ERF: variants seen among roughly 807,000 people sequenced by gnomAD.
ERF encodes ETS2 repressor factor, also known as ETS domain-containing transcription factor ERF.
ERF carries 10 observed loss-of-function variants against 41.6 expected under a neutral mutation model. The observed-to-expected ratio is 0.24, with a 90% CI of 0.15 to 0.41. The LOEUF (loss-of-function observed/expected upper bound fraction) is 0.41, where lower values mean the gene tolerates loss of function less well. Among genes scored for constraint, ERF ranks in the 10% least tolerant of loss-of-function variants. The pLI is 1.00. For missense variants in ERF, 621 were observed against 763.2 expected, an observed-to-expected ratio of 0.81 and a Z score of 2.19; for synonymous variants, 395 against 342.4, an observed-to-expected ratio of 1.15 and a Z score of -1.70.
intron 1 of ERF, among the ~76,000 whole-genome samples, chr19:42,251,724 C>A (rs953213370): frequency 1.2e-4 from 18 of 152,102 alleles, no homozygotes; most frequent in Non-Finnish European, 2.2e-4. Context: ...GGCCTCCAGG[C>A]AACACATCCA....
chr19:42,253,795 ATGGGGTGGGGATGGGG>A (rs1182805479), intron 1 of ERF: 15 of 761,332 alleles, frequency 2.0e-5, no homozygotes, highest in East Asian at 1.5e-4. Context: ...TGGGGTGGGA[ATGGGGTGGGGATGGGG>A]TGGGGTGGGT....
Position 42,249,509 on chromosome 19 carries a change from T to C in ERF, c.603A>G (p.Gly201=). The part of the protein sequence containing the change: ...DGTSELEEPL[G]EDPRARPPGP... ...CGGGTGGTCGGGCGCGGGGATCCTC[T>C]CCCAGCGGTTCCTCCAGCTCTGACG... Residue 201 remains glycine (G), a synonymous_variant, in exon 4 of 4, where the codon GGA becomes GGG. Transcript: ENST00000222329. This position sits in a 1 kb window ranked among gnomAD's most constrained non-coding sequence, Gnocchi z 8.6. 1.2e-6 allele frequency: 2 copies of C among 1,612,660 alleles called. No individual in the cohort carries two copies. Among genetic ancestry groups the C allele is most frequent in the Non-Finnish European group, 1.7e-6 (2 of 1,179,818 alleles).
rs545963787 is a variant in ERF at position 42,254,954 on chromosome 19, C to G, written c.22+24G>C. On this transcript the variant is annotated intron_variant, in intron 1 of 3. Transcript: ENST00000222329. ...GTTTCCCGGGGCAACAAGTCTCCCC[C>G]ACACGTGCTGCCCCCGCCCCCACCT... 2.6e-6 allele frequency: 4 copies of G among 1,511,288 alleles called. No homozygotes were observed. The Admixed American group carries it at 8.0e-5, about 30-fold the overall frequency. 93.6% of individuals were successfully genotyped at this position (1,511,288 alleles called of 1,614,324 possible). A position where few individuals can be genotyped will look rare whatever the true frequency, so the allele number is the denominator to read the frequency against.
chr19:42,248,455 C>T lies in ERF; in HGVS notation c.*10G>A. 6.7e-7 allele frequency: 1 copy of T among 1,483,712 alleles called. No individual in the cohort carries two copies. 91.9% of individuals were successfully genotyped at this position (1,483,712 alleles called of 1,614,324 possible). A position where few individuals can be genotyped will look rare whatever the true frequency, so the allele number is the denominator to read the frequency against. ...GGGTGCGGGGCACACAGGTCCCCTGCCCACAGCCCTCAGGAGTCTCGGTGC... is the reference window on the plus strand; with the variant it reads ...GGGTGCGGGGCACACAGGTCCCCTGTCCACAGCCCTCAGGAGTCTCGGTGC... On this transcript the variant is annotated 3_prime_UTR_variant, in exon 4 of 4. Transcript: ENST00000222329. The surrounding 1 kb of genome is among the most constrained non-coding windows in gnomAD (Gnocchi z 4.2).
rs779276597 is a variant in ERF, at chr19:42,249,839, C to T, written c.361G>A (p.Val121Met). Reference protein sequence around the residue: ...LVLVNYPFIDVGLAGGAVPQS... With the variant: ...LVLVNYPFIDMGLAGGAVPQS... ...CCCTGGTACTCACCAGCCAACCCCA[C>T]ATCAATGAATGGGTAATTGACCAGC... Residue 121 changes from valine (V) to methionine (M), a missense_variant, in exon 3 of 4, where the codon GTG (valine) becomes ATG (methionine). Physicochemically the swap from Val to Met is conservative, Grantham distance 21. Transcript: ENST00000222329. The surrounding 1 kb of genome is among the most constrained non-coding windows in gnomAD (Gnocchi z 8.6). 3 of 1,614,172 alleles carry T rather than the reference C, an allele frequency of 1.9e-6. No individual in the cohort carries two copies. Among genetic ancestry groups the T allele is most frequent in the Non-Finnish European group, 2.5e-6 (3 of 1,180,014 alleles).
intron 1 of ERF, chr19:42,251,269 G>A (rs755032535): frequency 3.5e-4 from 345 of 985,970 alleles, no homozygotes; most frequent in Non-Finnish European, 4.0e-4. Context: ...CCTGGCTGGA[G>A]GGCCCAGCCC....
Position 42,249,844 on chromosome 19 carries a change from A to G in ERF, c.356T>C (p.Ile119Thr). The change falls in exon 3 of 4, where the codon ATT becomes ACT. Residue 119 changes from isoleucine (I) to threonine (T), a missense_variant. By Grantham distance (89) the Ile-to-Thr change is moderately conservative. Around this residue, in one of 3 missense-constraint regions of ERF, gnomAD observed 569 missense variants for 625.5 expected, o/e 0.91. Transcript: ENST00000222329. The surrounding 1 kb of genome is among the most constrained non-coding windows in gnomAD (Gnocchi z 8.6). ...NKLVLVNYPF[I>T]DVGLAGGAVP... ...GTACTCACCAGCCAACCCCACATCA[A>G]TGAATGGGTAATTGACCAGCACCAG... 1 of 1,614,154 alleles carries G rather than the reference A, an allele frequency of 6.2e-7. No individual in the cohort carries two copies. The highest frequency in any genetic ancestry group is 1.3e-5 in the African/African-American group (1 of 75,040).
At position 42,250,707 on chromosome 19, in the gene ERF, G is replaced by A; in HGVS notation, c.23-142C>T. On this transcript the variant is annotated intron_variant, in intron 1 of 3. Coordinates refer to ENST00000222329, the MANE Select transcript of ERF (RefSeq NM_006494.4). The surrounding 1 kb of genome is among the most constrained non-coding windows in gnomAD (Gnocchi z 5.1). Reference sequence around the variant, plus strand: ...AGCCAAGTCAAGATCTGATTTAAGAGAAGACAGTGCGTGTCTGTCTGTCTG... The same window carrying A: ...AGCCAAGTCAAGATCTGATTTAAGAAAAGACAGTGCGTGTCTGTCTGTCTG... The A allele has an allele frequency of 4.9e-6, 4 of 816,820 alleles. No individual in the cohort carries two copies. The highest frequency in any genetic ancestry group is 7.7e-6 in the Non-Finnish European group (4 of 520,534). 50.6% of individuals were successfully genotyped at this position (816,820 alleles called of 1,614,324 possible). A position where few individuals can be genotyped will look rare whatever the true frequency, so the allele number is the denominator to read the frequency against.
chr19:42,253,731 G>A (rs1054929885), intron 1 of ERF: 2 of 394,844 alleles, frequency 5.1e-6, no homozygotes, highest in Non-Finnish European at 6.8e-6. Flanking sequence ...CCAGCTCGGA[G>A]CCCTTTAAGA....
chr19:42,253,147 A>C (rs955889403), intron 1 of ERF, among the ~76,000 whole-genome samples: 10 of 152,148 alleles, frequency 6.6e-5, no homozygotes, highest in Non-Finnish European at 1.0e-4. Flanking sequence ...GTGACGGCCC[A>C]AACTTTTTTT....
At chr19:42,251,285 T>C in intron 1 of ERF, 1 of 986,018 alleles carries the variant, frequency 1.0e-6, no homozygotes, top group South Asian at 4.7e-5. Context: ...AGCCCAGGCC[T>C]GGAGCTTGAG....
intron 1 of ERF, among the ~76,000 whole-genome samples, chr19:42,252,488 G>A (rs1422604425): frequency 6.6e-6 from 1 of 152,172 alleles, no homozygotes; most frequent in African/African-American, 2.4e-5. Flanking sequence ...GAGTGAGAGA[G>A]ACTACATGCA....
chr19:42,252,721 C>T (rs563362118), intron 1 of ERF, among the ~76,000 whole-genome samples: 7 of 151,908 alleles, frequency 4.6e-5, no homozygotes, highest in African/African-American at 1.7e-4. Flanking sequence ...GGCCTGTTCC[C>T]GGCTTTGGGG....
In ERF at chr19:42,249,042, G is replaced by A. The variant is rs2036389802; in HGVS notation, c.1070C>T (p.Thr357Ile). The A allele has an allele frequency of 6.2e-7, 1 of 1,612,378 alleles. No individual in the cohort carries two copies. The highest frequency in any genetic ancestry group is 8.5e-7 in the Non-Finnish European group (1 of 1,179,276). Residue 357 changes from threonine to isoleucine, a missense_variant, in exon 4 of 4, where the codon ACC (threonine) becomes ATC (isoleucine). This residue lies in a region of ERF where 569 missense variants were observed against 625.5 expected (regional missense o/e 0.91). Transcript: ENST00000222329. The surrounding 1 kb of genome is among the most constrained non-coding windows in gnomAD (Gnocchi z 8.6). ...KCPLPPMAPE[T>I]PPVPSSASSS... ...CGAGGCCGAGGAGGGGACCGGTGGG[G>A]TCTCGGGTGCCATGGGCGGCAGCGG...
rs367946660 is a variant in ERF at position 42,248,717 on chromosome 19, C to G, written c.1395G>C (p.Lys465Asn). 4.9e-5 allele frequency: 79 copies of G among 1,613,494 alleles called. No homozygotes were observed. The highest frequency in any genetic ancestry group is 6.7e-5 in the Non-Finnish European group (79 of 1,179,902). Residue 465 changes from lysine (K) to asparagine (N), a missense_variant, in exon 4 of 4, where the codon AAG becomes AAC. This residue lies in a region of ERF where 569 missense variants were observed against 625.5 expected (regional missense o/e 0.91). Coordinates refer to ENST00000222329, the MANE Select transcript of ERF (RefSeq NM_006494.4). The surrounding 1 kb of genome is among the most constrained non-coding windows in gnomAD (Gnocchi z 4.2). ...KTPRAPPAPPKPEPGEAPGAS... is the reference protein window; with the variant it reads ...KTPRAPPAPPNPEPGEAPGAS... ...CCCCGGGTGCCTCGCCGGGCTCAGGCTTAGGGGGTGCAGGTGGGGCACGGG... is the reference window on the plus strand; with the variant it reads ...CCCCGGGTGCCTCGCCGGGCTCAGGGTTAGGGGGTGCAGGTGGGGCACGGG...
rs2036435203 is a variant in ERF, at chr19:42,250,948, C to G, written c.23-383G>C. Among the ~76,000 whole-genome samples, 1 of 152,148 alleles carries G rather than the reference C, an allele frequency of 6.6e-6. No individual in the cohort carries two copies. Among genetic ancestry groups the G allele is most frequent in the South Asian group, 2.1e-4 (1 of 4,826 alleles). ...TGGGGTACAGCCCCCCAGCTTACCC[C>G]CACTCCCATTCAGAGCCAGTTGCAC... On this transcript the variant is annotated intron_variant, in intron 1 of 3. Coordinates refer to ENST00000222329, the MANE Select transcript of ERF (RefSeq NM_006494.4). This position sits in a 1 kb window ranked among gnomAD's most constrained non-coding sequence, Gnocchi z 5.1.
chr19:42,254,236 G>C (rs1300667601), intron 1 of ERF, among the ~76,000 whole-genome samples: 1 of 151,646 alleles, frequency 6.6e-6, no homozygotes, highest in Non-Finnish European at 1.5e-5. Flanking sequence ...GGGCGAGGGG[G>C]GAGCCTCTGC....
chr19:42,252,364 T>G (rs1476791430), intron 1 of ERF, among the ~76,000 whole-genome samples: 1 of 152,030 alleles, frequency 6.6e-6, no homozygotes, highest in Non-Finnish European at 1.5e-5. Flanking sequence ...AAAGCCACCC[T>G]TCCCAGCCCA....
chr19:42,250,717 C>A lies in ERF; in HGVS notation c.23-152G>T, dbSNP rs768816011. ...AGATCTGATTTAAGAGAAGACAGTG[C>A]GTGTCTGTCTGTCTGCATGTGAGGG... is the stretch of plus-strand genomic sequence containing the variant. On this transcript the variant is annotated intron_variant, in intron 1 of 3. Coordinates refer to ENST00000222329, the MANE Select transcript of ERF (RefSeq NM_006494.4). This position sits in a 1 kb window ranked among gnomAD's most constrained non-coding sequence, Gnocchi z 5.1. The A allele has an allele frequency of 1.2e-4, 93 of 772,188 alleles. No homozygotes were observed. Among genetic ancestry groups the A allele is most frequent in the Non-Finnish European group, 1.7e-4 (84 of 484,850 alleles). The allele number at this position is 772,188 out of a possible 1,614,324, so 47.8% of individuals were successfully genotyped here. A position where few individuals can be genotyped will look rare whatever the true frequency, so the allele number is the denominator to read the frequency against.
Sources: allele counts gnomAD v4.1 joint callset (sites outside exome capture counted in the v4.1 genomes callset), GRCh38; gene constraint gnomAD v4.1.1; regional missense constraint gnomAD v4.1.1; non-coding constraint Gnocchi (gnomAD v3.1); transcripts MANE v1.5; gene names NCBI Gene and HGNC (gene_info 2026-07-23, HGNC 2026-07-21).